CCDC88A: variants seen among roughly 807,000 people sequenced by gnomAD.
CCDC88A encodes the protein girdin.
In CCDC88A, 54 loss-of-function variants were observed where a neutral mutation model predicts 234.3. The observed-to-expected ratio is 0.23, with a 90% CI of 0.19 to 0.29. CCDC88A has a LOEUF of 0.29. Among genes scored for constraint, CCDC88A ranks in the 10% least tolerant of loss-of-function variants. CCDC88A has a pLI of 1.00. For missense variants in CCDC88A, 1,832 were observed against 2,123.4 expected (o/e 0.86, Z 2.70); for synonymous variants, 753 against 737.8 (o/e 1.02, Z -0.33).
intron 3 of CCDC88A, among the ~76,000 whole-genome samples, chr2:55,382,798 A>G (rs1043259106): frequency 1.3e-5 from 2 of 152,192 alleles, no homozygotes; most frequent in Non-Finnish European, 2.9e-5. Flanking sequence ...TGATAATCTA[A>G]TGTTACCACT....
intron 18 of CCDC88A, among the ~76,000 whole-genome samples, chr2:55,322,001 G>A (rs1325935922): frequency 1.3e-5 from 2 of 148,642 alleles, no homozygotes; most frequent in Non-Finnish European, 2.9e-5. Context: ...CTTTTGAAGG[G>A]TAAGTATTTG....
At chr2:55,319,880 T>G (rs556590194) in intron 18 of CCDC88A, among the ~76,000 whole-genome samples, 1 of 152,154 alleles carries the variant, frequency 6.6e-6, no homozygotes, top group Non-Finnish European at 1.5e-5. Context: ...AAGGTCATAA[T>G]TGGTCTACCC....
chr2:55,306,999 G>A (rs898421055), intron 25 of CCDC88A, among the ~76,000 whole-genome samples: 1 of 152,166 alleles, frequency 6.6e-6, no homozygotes, highest in Non-Finnish European at 1.5e-5. Context: ...CATTTGGAGA[G>A]TCTACCCCTG....
chr2:55,341,630 A>G (rs1668512110), intron 12 of CCDC88A, among the ~76,000 whole-genome samples: 1 of 149,804 alleles, frequency 6.7e-6, no homozygotes, highest in Non-Finnish European at 1.5e-5. Flanking sequence ...TTTTCAGCAG[A>G]GACGGGGTTT....
chr2:55,301,734 T>C, intron 27 of CCDC88A, 138 bp downstream of exon 27: 1 of 710,412 alleles, frequency 1.4e-6, no homozygotes, highest in South Asian at 1.9e-5. Context: ...GATTTGAAAG[T>C]TCCTCCAAAT....
Position 55,332,460 on chromosome 2 carries a change from G to A in CCDC88A, c.2855+106C>T, listed in dbSNP as rs1685034040. 6.9e-7 allele frequency: 1 copy of A among 1,446,594 alleles called. No individual in the cohort carries two copies. The highest frequency in any genetic ancestry group is 9.1e-7 in the Non-Finnish European group (1 of 1,103,526). 89.6% of individuals were successfully genotyped at this position (1,446,594 alleles called of 1,614,324 possible). A position where few individuals can be genotyped will look rare whatever the true frequency, so the allele number is the denominator to read the frequency against. ...TAAGGGAAGGAAGGAACCAGAAATA[G>A]GGTGAAATATATAAATGTTTTCTAT... On this transcript the variant is annotated intron_variant, in intron 16 of 32. Transcript: ENST00000436346. The surrounding 1 kb of genome is among the most constrained non-coding windows in gnomAD (Gnocchi z 4.5).
intron 2 of CCDC88A, among the ~76,000 whole-genome samples, chr2:55,390,232 T>C (rs368698465): frequency 6.6e-6 from 1 of 152,244 alleles, no homozygotes. Context: ...CAGATTCTTA[T>C]CTTTGCTTTT....
chr2:55,419,197 T>C lies in CCDC88A; in HGVS notation c.-118A>G. ...AGTCCATTTCGGCAAGGGAGAAAAA[T>C]CCCATCGTGGAGGAGGGGGGCACTC... On this transcript the variant is annotated 5_prime_UTR_variant, in exon 1 of 33. Coordinates refer to ENST00000436346, the MANE Select transcript of CCDC88A (RefSeq NM_001365480.1). 3.0e-6 allele frequency: 2 copies of C among 675,196 alleles called. No individual in the cohort carries two copies. The highest frequency in any genetic ancestry group is 5.2e-6 in the Non-Finnish European group (2 of 385,396). The allele number at this position is 675,196 out of a possible 1,614,324, so 41.8% of individuals were successfully genotyped here. A position where few individuals can be genotyped will look rare whatever the true frequency, so the allele number is the denominator to read the frequency against.
At chr2:55,301,308 TA>T in intron 27 of CCDC88A, 31 bp from the exon 28 acceptor site, 1 of 1,181,212 alleles carries the variant, frequency 8.5e-7, no homozygotes, top group South Asian at 1.4e-5. Flanking sequence ...GATATAAAGA[TA>T]TTTTTGTAAT....
intron 3 of CCDC88A, among the ~76,000 whole-genome samples, chr2:55,387,788 AAAAAAAAAAAAG>A (rs1675929487): frequency 6.6e-6 from 1 of 151,032 alleles, no homozygotes; most frequent in Non-Finnish European, 1.5e-5. Flanking sequence ...TCAAAAAAAA[AAAAAAAAAAAAG>A]AAAAAGAAAA....
intron 2 of CCDC88A, among the ~76,000 whole-genome samples, chr2:55,392,115 T>C (rs7603105): frequency 0.81 from 123,356 of 152,082 alleles, 50,933 homozygotes; most frequent in Admixed American, 0.9. Flanking sequence ...AGAACAGATG[T>C]TGTGTTCTTC....
chr2:55,380,017 A>T (rs1314728506), intron 3 of CCDC88A, among the ~76,000 whole-genome samples: 1 of 136,510 alleles, frequency 7.3e-6, no homozygotes, highest in Admixed American at 8.5e-5. Context: ...TGAGGCCAGG[A>T]GTTCGAGACC....
At chr2:55,307,357 TA>T (rs1681724269) in intron 25 of CCDC88A, among the ~76,000 whole-genome samples, 1 of 141,474 alleles carries the variant, frequency 7.1e-6, no homozygotes, top group African/African-American at 3.1e-5. Flanking sequence ...TCTCTTCACC[TA>T]ATTTTTTTTT....
chr2:55,296,202 C>T, intron 30 of CCDC88A, 56 bp downstream of exon 30: 2 of 1,437,176 alleles, frequency 1.4e-6, no homozygotes, highest in Non-Finnish European at 1.9e-6. Context: ...AGTTCAATTA[C>T]AGAAATTTAA....
At chr2:55,402,782 G>A (rs570778901) in intron 2 of CCDC88A, among the ~76,000 whole-genome samples, 47 of 151,958 alleles carry the variant, frequency 3.1e-4, no homozygotes, top group African/African-American at 1.0e-3. Flanking sequence ...GGCCAAGGCA[G>A]GCGGATCACA....
intron 5 of CCDC88A, among the ~76,000 whole-genome samples, chr2:55,370,784 G>C (rs1405729273): frequency 1.3e-5 from 2 of 150,404 alleles, no homozygotes; most frequent in Admixed American, 1.3e-4. Flanking sequence ...GAGGCAGGAA[G>C]ATCACTTGAG....
At chr2:55,415,049 G>A (rs1681126223) in intron 2 of CCDC88A, among the ~76,000 whole-genome samples, 1 of 142,290 alleles carries the variant, frequency 7.0e-6, no homozygotes, top group African/African-American at 2.6e-5. Context: ...CCTGGGCATG[G>A]AGCGAGACTC....
At chr2:55,318,503 C>T in intron 19 of CCDC88A, among the ~76,000 whole-genome samples, 1 of 151,960 alleles carries the variant, frequency 6.6e-6, no homozygotes, top group East Asian at 1.9e-4. Flanking sequence ...TTTTCAGTAA[C>T]TAAACTGACA....
intron 22 of CCDC88A, chr2:55,313,819 C>G (rs543132215): frequency 2.0e-5 from 3 of 152,176 alleles, no homozygotes; most frequent in East Asian, 3.9e-4. Flanking sequence ...CATAAACAAC[C>G]ATCTAGATCT....
Sources: allele counts gnomAD v4.1 joint callset (sites outside exome capture counted in the v4.1 genomes callset), GRCh38; gene constraint gnomAD v4.1.1; non-coding constraint Gnocchi (gnomAD v3.1); transcripts MANE v1.5; gene names NCBI Gene and HGNC (gene_info 2026-07-23, HGNC 2026-07-21).